The following ADGRL3 variants were observed in gnomAD, a reference collection of about 807,000 sequenced individuals.
The protein encoded by ADGRL3 is calcium-independent alpha-latrotoxin receptor 3.
Under a neutral mutation model 153.5 loss-of-function variants are expected in ADGRL3, and 62 were observed. That is an observed-to-expected ratio of 0.40 (90% CI 0.33 to 0.50). The LOEUF is 0.50. Among genes scored for constraint, ADGRL3 ranks in the 20% least tolerant of loss-of-function variants. The pLI is 0.47. For missense variants in ADGRL3, 1,641 were observed against 1,859.4 expected, an observed-to-expected ratio of 0.88 and a Z score of 2.16; for synonymous variants, 710 against 672.5, an observed-to-expected ratio of 1.06 and a Z score of -0.86.
At chr4:61,398,913 A>G (rs1239603834) in intron 2 of ADGRL3, among the ~76,000 whole-genome samples, 1 of 151,472 alleles carries the variant, frequency 6.6e-6, no homozygotes, top group Non-Finnish European at 1.5e-5. Context: ...GTGTTTCCTT[A>G]ACTTCCCACA....
At chr4:61,616,022 A>G (rs2149757710) in intron 5 of ADGRL3, among the ~76,000 whole-genome samples, 1 of 152,274 alleles carries the variant, frequency 6.6e-6, no homozygotes, top group South Asian at 2.1e-4. Flanking sequence ...ATTCAAGGGA[A>G]AACATTGCAA....
chr4:61,688,667 T>A (rs2095488878), intron 6 of ADGRL3, among the ~76,000 whole-genome samples: 1 of 152,176 alleles, frequency 6.6e-6, no homozygotes, highest in African/African-American at 2.4e-5. Flanking sequence ...AATTATGTAA[T>A]CCACCTAATT....
intron 21 of ADGRL3, among the ~76,000 whole-genome samples, chr4:62,016,694 A>C (rs992916193): frequency 1.3e-5 from 2 of 152,126 alleles, no homozygotes; most frequent in Non-Finnish European, 2.9e-5. Flanking sequence ...TCTTCACATA[A>C]ATTTCAGAAT....
intron 4 of ADGRL3, among the ~76,000 whole-genome samples, chr4:61,575,589 G>A (rs1000864363): frequency 6.6e-6 from 1 of 151,906 alleles, no homozygotes; most frequent in Non-Finnish European, 1.5e-5. Context: ...ATAAACTGAT[G>A]AAACAATGTT....
chr4:61,779,470 T>A (rs918451649), intron 8 of ADGRL3, among the ~76,000 whole-genome samples: 7 of 151,254 alleles, frequency 4.6e-5, no homozygotes, highest in African/African-American at 1.7e-4. Flanking sequence ...CTGTTCTCTA[T>A]TAAAAATACA....
At chr4:61,778,811 A>G (rs2097181704) in intron 8 of ADGRL3, among the ~76,000 whole-genome samples, 3 of 152,168 alleles carry the variant, frequency 2.0e-5, no homozygotes, top group African/African-American at 7.2e-5. Flanking sequence ...TAATCCCAGC[A>G]CTGTGGGAGG....
intron 1 of ADGRL3, among the ~76,000 whole-genome samples, chr4:61,282,322 A>C (rs1017739646): frequency 1.3e-5 from 2 of 152,184 alleles, no homozygotes; most frequent in Middle Eastern, 3.4e-3. Flanking sequence ...TTTAAAGACC[A>C]TGTTAAACTT....
chr4:61,809,290 C>A (rs776539186), intron 8 of ADGRL3, among the ~76,000 whole-genome samples: 2 of 152,010 alleles, frequency 1.3e-5, no homozygotes, highest in African/African-American at 4.8e-5. Flanking sequence ...AATTGCATAA[C>A]TTCATGGTTT....
chr4:61,575,553 C>T (rs904337093), intron 4 of ADGRL3, among the ~76,000 whole-genome samples: 3 of 151,864 alleles, frequency 2.0e-5, no homozygotes, highest in African/African-American at 4.8e-5. Flanking sequence ...TGTTTATCTC[C>T]TGCCCCCATC....
intron 2 of ADGRL3, among the ~76,000 whole-genome samples, chr4:61,462,692 C>T (rs1011911170): frequency 3.4e-4 from 52 of 152,254 alleles, no homozygotes; most frequent in African/African-American, 1.2e-3. Flanking sequence ...AAAGAGAAGA[C>T]TTATGAAAAG....
intron 5 of ADGRL3, among the ~76,000 whole-genome samples, chr4:61,590,734 A>C (rs116708427): frequency 0.015 from 2,305 of 152,228 alleles, 53 homozygotes; most frequent in African/African-American, 0.052. Context: ...TTTCAGCTGA[A>C]TGATATAAGA....
At chr4:61,354,979 A>G (rs1445317039) in intron 1 of ADGRL3, among the ~76,000 whole-genome samples, 4 of 152,108 alleles carry the variant, frequency 2.6e-5, no homozygotes, top group African/African-American at 7.2e-5. Context: ...TTTATGTTCA[A>G]TGGACCAGAA....
chr4:61,440,352 T>C (rs1373013367), intron 2 of ADGRL3, among the ~76,000 whole-genome samples: 1 of 152,208 alleles, frequency 6.6e-6, no homozygotes, highest in Non-Finnish European at 1.5e-5. Context: ...CCGGCCTATA[T>C]TGCTTTTAAT....
intron 1 of ADGRL3, among the ~76,000 whole-genome samples, chr4:61,356,905 T>C (rs1271654486): frequency 1.3e-5 from 2 of 152,118 alleles, no homozygotes. Flanking sequence ...CCTGAACACT[T>C]TCAGGCTGTT....
chr4:61,846,713 T>C (rs2098120328), intron 9 of ADGRL3, among the ~76,000 whole-genome samples: 1 of 151,916 alleles, frequency 6.6e-6, no homozygotes, highest in Non-Finnish European at 1.5e-5. Flanking sequence ...CTGCAGGTCG[T>C]ACAGGAAACA....
intron 2 of ADGRL3, among the ~76,000 whole-genome samples, chr4:61,448,800 G>GT (rs2097628385): frequency 1.0e-5 from 1 of 96,784 alleles, no homozygotes; most frequent in Non-Finnish European, 2.0e-5. Context: ...GGGTAGGAGG[G>GT]AGGAAGGGAG....
chr4:61,610,055 C>A (rs1054379267), intron 5 of ADGRL3, among the ~76,000 whole-genome samples: 7 of 151,388 alleles, frequency 4.6e-5, no homozygotes, highest in African/African-American at 1.7e-4. Context: ...GGGTTCTGTA[C>A]TAACTGGAAT....
chr4:61,941,147 T>C (rs2098890507), intron 15 of ADGRL3, among the ~76,000 whole-genome samples: 1 of 77,930 alleles, frequency 1.3e-5, no homozygotes, highest in Admixed American at 1.7e-4. Flanking sequence ...GCTTTCTACA[T>C]ATGGCTAGCC....
rs1015733625 is a variant in ADGRL3, at chr4:61,732,852, G to A, written c.697G>A (p.Ala233Thr). The part of the protein sequence containing the change: ...SGAWCKDPLQ[A>T]SDKIYYMPWT... ...GGCGTGGTGCAAAGACCCTCTGCAGGCATCTGACAAGATTTATTATATGCC... is the reference window on the plus strand; with the variant it reads ...GGCGTGGTGCAAAGACCCTCTGCAGACATCTGACAAGATTTATTATATGCC... The change falls in exon 8 of 27, where the codon GCA becomes ACA. Residue 233 changes from alanine (A) to threonine (T), a missense_variant. Ala to Thr is a moderately conservative substitution (Grantham distance 58). Around this residue, in one of 5 missense-constraint regions of ADGRL3, gnomAD observed 213 missense variants for 362.1 expected, o/e 0.59. Transcript: ENST00000683033. The A allele has an allele frequency of 1.2e-6, 2 of 1,613,226 alleles. No homozygotes were observed. The highest frequency in any genetic ancestry group is 2.7e-5 in the African/African-American group (2 of 74,866).
Sources: allele counts gnomAD v4.1 joint callset (sites outside exome capture counted in the v4.1 genomes callset), GRCh38; gene constraint gnomAD v4.1.1; regional missense constraint gnomAD v4.1.1; transcripts MANE v1.5; gene names NCBI Gene and HGNC (gene_info 2026-07-23, HGNC 2026-07-21).